Variants in NUBPL observed in about 807,000 individuals in gnomAD.
NUBPL encodes the protein NUBP iron-sulfur cluster assembly factor, mitochondrial.
NUBPL carries 31 observed loss-of-function variants against 45.7 expected under a neutral mutation model. The observed-to-expected ratio is 0.68, with a 90% CI of 0.51 to 0.92. The LOEUF is 0.92. NUBPL is among the 40% of genes least tolerant of loss of function. NUBPL has a pLI of 0.00. For synonymous variants in NUBPL, 144 were observed against 140.9 expected (o/e 1.02, Z -0.15); for missense variants, 401 against 398.7 (o/e 1.01, Z -0.05).
intron 3 of NUBPL, among the ~76,000 whole-genome samples, chr14:31,571,183 G>A (rs2033571254): frequency 6.6e-6 from 1 of 152,088 alleles, no homozygotes; most frequent in African/African-American, 2.4e-5. Flanking sequence ...AGCTTTATGT[G>A]TCCTATCTTT....
chr14:31,715,721 TG>T (rs1305853972), intron 6 of NUBPL, among the ~76,000 whole-genome samples: 2 of 152,206 alleles, frequency 1.3e-5, no homozygotes, highest in African/African-American at 4.8e-5. Flanking sequence ...AAGTGAGTGG[TG>T]AGTGAATGTG....
At chr14:31,594,846 C>T (rs1319430586) in intron 3 of NUBPL, among the ~76,000 whole-genome samples, 1 of 152,126 alleles carries the variant, frequency 6.6e-6, no homozygotes, top group East Asian at 1.9e-4. Context: ...ACACCAACTG[C>T]CAGTCCGAGA....
intron 4 of NUBPL, among the ~76,000 whole-genome samples, chr14:31,657,499 G>C (rs2036168591): frequency 2.6e-5 from 4 of 152,102 alleles, no homozygotes; most frequent in African/African-American, 9.7e-5. Context: ...TCTTGTCTTT[G>C]GCTGTACCTC....
intron 6 of NUBPL, among the ~76,000 whole-genome samples, chr14:31,747,192 G>T (rs1018478242): frequency 6.9e-6 from 1 of 144,046 alleles, no homozygotes; most frequent in Non-Finnish European, 1.5e-5. Flanking sequence ...CTGGAGTGCA[G>T]TGGCACGATC....
At chr14:31,773,941 T>C (rs147629035) in intron 6 of NUBPL, among the ~76,000 whole-genome samples, 56 of 152,360 alleles carry the variant, frequency 3.7e-4, no homozygotes, top group African/African-American at 1.3e-3. Flanking sequence ...CTGTCACTTA[T>C]GGCATATTCC....
chr14:31,676,332 CTTTT>C (rs777091582), intron 6 of NUBPL, among the ~76,000 whole-genome samples: 22 of 151,056 alleles, frequency 1.5e-4, no homozygotes, highest in African/African-American at 4.9e-4. Flanking sequence ...CAGGATGTAG[CTTTT>C]TTTTTATATG....
At chr14:31,772,428 C>T (rs2039025289) in intron 6 of NUBPL, among the ~76,000 whole-genome samples, 1 of 152,084 alleles carries the variant, frequency 6.6e-6, no homozygotes, top group South Asian at 2.1e-4. Context: ...AAGCACTTGG[C>T]CTAAAGCAGG....
At chr14:31,689,764 G>A (rs1417678103) in intron 6 of NUBPL, among the ~76,000 whole-genome samples, 1 of 152,032 alleles carries the variant, frequency 6.6e-6, no homozygotes, top group Non-Finnish European at 1.5e-5. Flanking sequence ...GTATTGCCTA[G>A]GTTATCTTCC....
intron 4 of NUBPL, among the ~76,000 whole-genome samples, chr14:31,621,531 G>C (rs113122792): frequency 4.6e-5 from 7 of 152,140 alleles, no homozygotes; most frequent in African/African-American, 1.7e-4. Flanking sequence ...ACTTCCCTTG[G>C]CTGGGGGAGG....
chr14:31,649,030 G>A (rs139057183), intron 4 of NUBPL, among the ~76,000 whole-genome samples: 32 of 152,196 alleles, frequency 2.1e-4, no homozygotes, highest in Non-Finnish European at 2.8e-4. Context: ...GGATGGTCTC[G>A]ATTTCTTGAC....
Position 31,591,147 on chromosome 14 carries a change from C to T in NUBPL, c.292-8142C>T, listed in dbSNP as rs534108433. Among the ~76,000 whole-genome samples the T allele has an allele frequency of 2.4e-4, 37 of 152,152 alleles. No homozygotes were observed. The South Asian group carries it at 7.5e-3, about 31-fold the overall frequency. ...CTTCTTTTTGGTTAGCTTTTTCATA[C>T]CATGTTGTGACTTTAGTTTTCAAAG... On this transcript the variant is annotated intron_variant, in intron 3 of 10. Coordinates refer to ENST00000281081, the MANE Select transcript of NUBPL (RefSeq NM_025152.3).
At chr14:31,589,886 G>C (rs1175594529) in intron 3 of NUBPL, among the ~76,000 whole-genome samples, 1 of 152,134 alleles carries the variant, frequency 6.6e-6, no homozygotes, top group South Asian at 2.1e-4. Flanking sequence ...AGTACTCTTT[G>C]GTCTACCTTT....
chr14:31,770,656 G>C (rs1038736813), intron 6 of NUBPL, among the ~76,000 whole-genome samples: 3 of 152,124 alleles, frequency 2.0e-5, no homozygotes, highest in Admixed American at 6.6e-5. Flanking sequence ...CCTTTCATTA[G>C]TTTTACAAAG....
intron 6 of NUBPL, among the ~76,000 whole-genome samples, chr14:31,732,215 A>G (rs1159816980): frequency 7.2e-6 from 1 of 138,904 alleles, no homozygotes; most frequent in Non-Finnish European, 1.6e-5. Context: ...GAAAGAAAGA[A>G]AAGGAAACTG....
chr14:31,756,828 G>T (rs1455438367), intron 6 of NUBPL, among the ~76,000 whole-genome samples: 1 of 151,716 alleles, frequency 6.6e-6, no homozygotes, highest in Non-Finnish European at 1.5e-5. Flanking sequence ...TATGATATTG[G>T]CTGTGGGTTT....
chr14:31,815,134 G>A (rs561457037), intron 7 of NUBPL, among the ~76,000 whole-genome samples: 6 of 152,156 alleles, frequency 3.9e-5, no homozygotes, highest in African/African-American at 1.2e-4. Context: ...GGGCAGTATC[G>A]CCATTTTCAC....
intron 4 of NUBPL, among the ~76,000 whole-genome samples, chr14:31,619,206 A>G (rs1256024641): frequency 6.6e-6 from 1 of 152,164 alleles, no homozygotes; most frequent in African/African-American, 2.4e-5. Context: ...TCTCCTGAAT[A>G]CAGCACACCA....
At chr14:31,612,435 G>A (rs571653594) in intron 4 of NUBPL, among the ~76,000 whole-genome samples, 10 of 152,260 alleles carry the variant, frequency 6.6e-5, no homozygotes, top group Admixed American at 4.6e-4. Flanking sequence ...AGGCCAAGGC[G>A]GGCGGATCAT....
At chr14:31,669,841 A>G (rs368625990) in intron 4 of NUBPL, among the ~76,000 whole-genome samples, 2 of 112,658 alleles carry the variant, frequency 1.8e-5, no homozygotes, top group East Asian at 2.8e-4. Flanking sequence ...CTAGTATTCC[A>G]TGGTGTATAT....
Sources: allele counts gnomAD v4.1 joint callset (sites outside exome capture counted in the v4.1 genomes callset), GRCh38; gene constraint gnomAD v4.1.1; transcripts MANE v1.5; gene names NCBI Gene and HGNC (gene_info 2026-07-23, HGNC 2026-07-21).